CDK1: variants seen among roughly 807,000 people sequenced by gnomAD.
CDK1 encodes the protein cyclin-dependent kinase 1.
A neutral mutation model predicts 34.6 loss-of-function variants in CDK1; 5 were observed. That is an observed-to-expected ratio of 0.14 (90% confidence interval 0.08 to 0.30). The LOEUF (loss-of-function observed/expected upper bound fraction) is 0.30. Among genes scored for constraint, CDK1 ranks in the 10% least tolerant of loss-of-function variants. The pLI, the probability that CDK1 is intolerant of heterozygous loss-of-function variation, is 1.00. For synonymous variants in CDK1, 108 were observed against 114.7 expected, an observed-to-expected ratio of 0.94 and a Z score of 0.37; for missense variants, 157 against 345.7, an observed-to-expected ratio of 0.45 and a Z score of 4.33.
chr10:60,788,540 T>C (rs571288831), intron 5 of CDK1, among the ~76,000 whole-genome samples: 6 of 152,100 alleles, frequency 3.9e-5, no homozygotes, highest in Non-Finnish European at 8.8e-5. Context: ...ATTTACATCA[T>C]TCCCATCCTT....
chr10:60,785,673 T>A lies in CDK1; in HGVS notation c.204T>A (p.Asp68Glu), dbSNP rs768316764. Residue 68 changes from aspartate (D) to glutamate (E), a missense_variant, in exon 4 of 8, where the codon GAT becomes GAA. Asp to Glu is a conservative substitution (Grantham distance 45). Around this residue, in one of 3 missense-constraint regions of CDK1, gnomAD observed 53 missense variants for 89.2 expected, o/e 0.59. Coordinates refer to ENST00000395284, the MANE Select transcript of CDK1 (RefSeq NM_001786.5). Reference sequence around the variant, plus strand: ...TATTTTTTTTCCCCAGTCTTCAGGATGTGCTTATGCAGGATTCCAGGTTAT... The same window carrying A: ...TATTTTTTTTCCCCAGTCTTCAGGAAGTGCTTATGCAGGATTCCAGGTTAT... Reference protein sequence around the residue: ...LRHPNIVSLQDVLMQDSRLYL... With the variant: ...LRHPNIVSLQEVLMQDSRLYL... The A allele has an allele frequency of 4.4e-6, 7 of 1,597,702 alleles. No homozygotes were observed. The East Asian group carries it at 1.6e-4, about 36-fold the overall frequency.
At chr10:60,784,915 AATTTCAACTT>A in intron 3 of CDK1, 54 bp downstream of exon 3, 4 of 1,503,842 alleles carry the variant, frequency 2.7e-6, no homozygotes, top group Non-Finnish European at 3.7e-6. Context: ...TTCAAATATA[AATTTCAACTT>A]GGAAATCTTT....
chr10:60,780,250 T>C, intron 2 of CDK1, 48 bp downstream of exon 2: 1 of 947,646 alleles, frequency 1.1e-6, no homozygotes, highest in Admixed American at 1.7e-5. Flanking sequence ...TTAACAATGC[T>C]ACAACTTCTG....
intron 5 of CDK1, 97 bp downstream of exon 5, chr10:60,788,327 T>G: frequency 1.1e-6 from 1 of 891,544 alleles, no homozygotes; most frequent in Non-Finnish European, 1.7e-6. Flanking sequence ...CAATAAAAGA[T>G]ATCTACTCTG....
At chr10:60,791,614 T>TG (rs1256869553) in intron 5 of CDK1, among the ~76,000 whole-genome samples, 1 of 152,060 alleles carries the variant, frequency 6.6e-6, no homozygotes, top group Non-Finnish European at 1.5e-5. Flanking sequence ...GGTTTTTCAG[T>TG]GGGGGGAAGA....
At chr10:60,782,942 T>C (rs3213038) in intron 2 of CDK1, among the ~76,000 whole-genome samples, 1,687 of 152,276 alleles carry the variant, frequency 0.011, 12 homozygotes, top group South Asian at 0.03. Context: ...TTGTTAATTC[T>C]GAAAATTATT....
chr10:60,789,368 A>G (rs757987128), intron 5 of CDK1, among the ~76,000 whole-genome samples: 6 of 152,202 alleles, frequency 3.9e-5, no homozygotes, highest in Admixed American at 6.5e-5. Flanking sequence ...AATTGTATCC[A>G]TAAACCAACT....
intron 2 of CDK1, among the ~76,000 whole-genome samples, chr10:60,780,632 A>G (rs2080264998): frequency 6.6e-6 from 1 of 152,162 alleles, no homozygotes; most frequent in South Asian, 2.1e-4. Flanking sequence ...ACAATAATTG[A>G]CTTAATCTAA....
At chr10:60,782,138 A>AT (rs565765124) in intron 2 of CDK1, among the ~76,000 whole-genome samples, 1 of 152,098 alleles carries the variant, frequency 6.6e-6, no homozygotes, top group East Asian at 1.9e-4. Context: ...TAAAAGTTAT[A>AT]TTTTTTCCCC....
chr10:60,784,652 A>G, intron 2 of CDK1, 53 bp from the exon 3 acceptor site: 1 of 1,452,238 alleles, frequency 6.9e-7, no homozygotes, highest in South Asian at 1.3e-5. Flanking sequence ...AAAGAAAAAA[A>G]GATCTTTAGT....
rs535581983 is a variant in CDK1 at position 60,787,716 on chromosome 10, A to T, written c.319-344A>T. The T allele has an allele frequency of 6.4e-5, 10 of 156,580 alleles. No individual in the cohort carries two copies. In the East Asian group the frequency reaches 1.5e-3, roughly 23 times the overall value. 9.7% of individuals were successfully genotyped at this position (156,580 alleles called of 1,614,324 possible). ...ATAGAAAAGGCCAACTGTATTGAAG[A>T]TACAAAATAGAGTTGGTAGCGGTAT... On this transcript the variant is annotated intron_variant, in intron 4 of 7. Transcript: ENST00000395284.
At chr10:60,785,144 A>G (rs60184425) in intron 3 of CDK1, among the ~76,000 whole-genome samples, 2 of 151,984 alleles carry the variant, frequency 1.3e-5, no homozygotes, top group Non-Finnish European at 2.9e-5. Flanking sequence ...AGCTTTGTCA[A>G]CTCTCTCCTA....
At chr10:60,780,307 G>A (rs2080260813) in intron 2 of CDK1, 105 bp downstream of exon 2, 2 of 694,718 alleles carry the variant, frequency 2.9e-6, no homozygotes, top group Non-Finnish European at 2.6e-6. Flanking sequence ...CCATTAAGTT[G>A]TCTTGTAGTA....
intron 7 of CDK1, 90 bp downstream of exon 7, chr10:60,792,379 C>A: frequency 8.2e-7 from 1 of 1,214,640 alleles, no homozygotes; most frequent in Non-Finnish European, 1.2e-6. Flanking sequence ...AGGAAGAACA[C>A]TAACATTTTT....
chr10:60,779,965 A>G (rs1446248425), intron 1 of CDK1, among the ~76,000 whole-genome samples, 176 bp from the exon 2 acceptor site: 1 of 152,196 alleles, frequency 6.6e-6, no homozygotes, highest in African/African-American at 2.4e-5. Flanking sequence ...AGAAGGATGG[A>G]AAGTTATTGT....
intron 6 of CDK1, 34 bp downstream of exon 6, chr10:60,792,087 A>G (rs748371434): frequency 6.2e-7 from 1 of 1,602,614 alleles, no homozygotes. Context: ...TAAAGGTAAC[A>G]TATATGTAAC....
chr10:60,785,762 A>T lies in CDK1; in HGVS notation c.293A>T (p.Gln98Leu). The T allele has an allele frequency of 6.2e-7, 1 of 1,603,900 alleles. No homozygotes were observed. Among genetic ancestry groups the T allele is most frequent in the Non-Finnish European group, 8.5e-7 (1 of 1,172,432 alleles). ...KKYLDSIPPGQYMDSSLVKSY... is the reference protein window; with the variant it reads ...KKYLDSIPPGLYMDSSLVKSY... ...TACTTGGATTCTATCCCTCCTGGTC[A>T]GTACATGGATTCTTCACTTGTTAAG... Residue 98 changes from glutamine (Q) to leucine (L), a missense_variant, in exon 4 of 8, where the codon CAG (glutamine) becomes CTG (leucine). Coordinates refer to ENST00000395284, the MANE Select transcript of CDK1 (RefSeq NM_001786.5).
At chr10:60,782,550 G>C (rs1280581186) in intron 2 of CDK1, among the ~76,000 whole-genome samples, 1 of 152,162 alleles carries the variant, frequency 6.6e-6, no homozygotes, top group Non-Finnish European at 1.5e-5. Context: ...CTGGCATTTA[G>C]TAGGCATTTG....
chr10:60,787,637 T>C (rs913717861), intron 4 of CDK1: 1 of 152,072 alleles, frequency 6.6e-6, no homozygotes, highest in African/African-American at 2.4e-5. Context: ...ATCTTTGCCA[T>C]CACTTTTAGA....
Sources: allele counts gnomAD v4.1 joint callset (sites outside exome capture counted in the v4.1 genomes callset), GRCh38; gene constraint gnomAD v4.1.1; regional missense constraint gnomAD v4.1.1; transcripts MANE v1.5; gene names NCBI Gene and HGNC (gene_info 2026-07-23, HGNC 2026-07-21).